Variants in SLC35F2 observed in about 807,000 individuals in gnomAD.
The protein encoded by SLC35F2 is solute carrier family 35 member F2, also known as queuine/queuosine transporter SLC35F2.
SLC35F2 carries 25 observed loss-of-function variants against 38.1 expected under a neutral mutation model. The observed-to-expected ratio is 0.66, with a 90% confidence interval of 0.48 to 0.92. SLC35F2 has a LOEUF of 0.92. Among genes scored for constraint, SLC35F2 ranks in the 40% least tolerant of loss-of-function variants. SLC35F2 has a pLI of 0.00. For synonymous variants in SLC35F2, 173 were observed against 181.7 expected (o/e 0.95, Z 0.38); for missense variants, 409 against 452.9 (o/e 0.90, Z 0.88).
At chr11:107,810,980 A>T in intron 3 of SLC35F2, 1 of 983,692 alleles carries the variant, frequency 1.0e-6, no homozygotes, top group South Asian at 4.7e-5. Flanking sequence ...AAAAAAAGTT[A>T]TAAACAAACT....
At chr11:107,801,419 ATTT>A (rs202046472) in intron 7 of SLC35F2, among the ~76,000 whole-genome samples, 6 of 152,054 alleles carry the variant, frequency 3.9e-5, no homozygotes, top group Admixed American at 2.0e-4. Context: ...TCTTCTCACT[ATTT>A]TTTTATTTTG....
chr11:107,825,099 C>T (rs977453723), intron 1 of SLC35F2, among the ~76,000 whole-genome samples: 7 of 152,202 alleles, frequency 4.6e-5, no homozygotes, highest in Non-Finnish European at 7.3e-5. Context: ...GTTACCACAA[C>T]GATGGAAATG....
chr11:107,792,950 T>C (rs1859156922), intron 7 of SLC35F2, 150 bp from the exon 8 acceptor site: 4 of 1,328,128 alleles, frequency 3.0e-6, no homozygotes, highest in Admixed American at 7.7e-5. Flanking sequence ...AGGGTCTCGC[T>C]CTGTGGCCCA....
intron 7 of SLC35F2, among the ~76,000 whole-genome samples, chr11:107,798,304 C>T (rs186916806): frequency 6.6e-6 from 1 of 152,266 alleles, no homozygotes; most frequent in African/African-American, 2.4e-5. Context: ...TGCGCCCAGC[C>T]TTAAGTTGGT....
chr11:107,820,163 G>A (rs545646612), intron 1 of SLC35F2, among the ~76,000 whole-genome samples: 1 of 151,516 alleles, frequency 6.6e-6, no homozygotes, highest in South Asian at 2.1e-4. Flanking sequence ...GCTGAGGGAG[G>A]AAAATCGCTT....
intron 1 of SLC35F2, among the ~76,000 whole-genome samples, chr11:107,839,912 T>TA (rs1859989646): frequency 6.6e-6 from 1 of 152,106 alleles, no homozygotes; most frequent in South Asian, 2.1e-4. Flanking sequence ...CTTGGCCTCC[T>TA]AAAGTGCTGG....
At chr11:107,818,098 A>G (rs887421357) in intron 1 of SLC35F2, among the ~76,000 whole-genome samples, 4 of 136,890 alleles carry the variant, frequency 2.9e-5, no homozygotes, top group Middle Eastern at 3.7e-3. Context: ...GAAAGAAAGA[A>G]AGAAAGAAAG....
intron 1 of SLC35F2, among the ~76,000 whole-genome samples, chr11:107,838,627 C>CT (rs71047631): frequency 0.013 from 1,362 of 108,602 alleles, 17 homozygotes; most frequent in Non-Finnish European, 0.019. Flanking sequence ...GCCCGGCCCT[C>CT]TTTTTTTTTT....
intron 1 of SLC35F2, among the ~76,000 whole-genome samples, chr11:107,831,366 A>T (rs942962525): frequency 6.6e-6 from 1 of 152,216 alleles, no homozygotes; most frequent in Non-Finnish European, 1.5e-5. Context: ...GACTACAGGC[A>T]CATGCCACTA....
At chr11:107,824,049 T>C in intron 1 of SLC35F2, 4 of 974,176 alleles carry the variant, frequency 4.1e-6, no homozygotes, top group Non-Finnish European at 3.7e-6. Context: ...ATTCAAAAGT[T>C]TAGCCATCAA....
At chr11:107,800,756 T>C (rs149048575) in intron 7 of SLC35F2, among the ~76,000 whole-genome samples, 53 of 152,252 alleles carry the variant, frequency 3.5e-4, no homozygotes, top group Admixed American at 2.4e-3. Context: ...TCATTATTTT[T>C]GTATTTTTTT....
intron 7 of SLC35F2, among the ~76,000 whole-genome samples, chr11:107,798,004 T>C (rs1859248593): frequency 6.6e-6 from 1 of 152,076 alleles, no homozygotes; most frequent in Non-Finnish European, 1.5e-5. Context: ...TTTTGTTATT[T>C]TTATTTATTT....
At chr11:107,843,261 C>G (rs142053318) in intron 1 of SLC35F2, among the ~76,000 whole-genome samples, 239 of 152,150 alleles carry the variant, frequency 1.6e-3, no homozygotes, top group African/African-American at 5.2e-3. Context: ...CGGGAACTTA[C>G]TATATTAAAA....
Position 107,803,126 on chromosome 11 carries a change from T to C in SLC35F2, c.814A>G (p.Met272Val). 3 of 1,611,766 alleles carry C rather than the reference T, an allele frequency of 1.9e-6. No individual in the cohort carries two copies. Among genetic ancestry groups the C allele is most frequent in the Non-Finnish European group, 2.5e-6 (3 of 1,179,510 alleles). Residue 272 changes from methionine to valine, a missense_variant, in exon 7 of 8, where the codon ATG becomes GTG. Coordinates refer to ENST00000525815, the MANE Select transcript of SLC35F2 (RefSeq NM_017515.5). ...ALLFVAFALCMFCLYSFMPLV... is the reference protein window; with the variant it reads ...ALLFVAFALCVFCLYSFMPLV... ...GGCATGAAGCTGTACAGGCAAAACA[T>C]ACACAGGGCAAATGCCACGAACAGC...
intron 1 of SLC35F2, among the ~76,000 whole-genome samples, chr11:107,817,073 C>T (rs556988704): frequency 2.5e-4 from 38 of 152,146 alleles, no homozygotes; most frequent in African/African-American, 8.2e-4. Context: ...AGGTTGAGTT[C>T]GAGACCAGCC....
intron 4 of SLC35F2, 192 bp downstream of exon 4, chr11:107,806,525 T>C (rs1304240827): frequency 1.7e-6 from 1 of 573,474 alleles, no homozygotes; most frequent in African/African-American, 1.9e-5. Flanking sequence ...ACTTGAAGAT[T>C]GGATGAATTC....
chr11:107,854,820 C>A (rs1482550414), intron 1 of SLC35F2, among the ~76,000 whole-genome samples: 1 of 152,116 alleles, frequency 6.6e-6, no homozygotes. Flanking sequence ...CCTCTTCTTG[C>A]CCCTTTTTGG....
At position 107,858,733 on chromosome 11, in the gene SLC35F2, G is replaced by A. The variant is rs1276162843; in HGVS notation, c.35C>T (p.Pro12Leu). The change falls in exon 1 of 8, where the codon CCA becomes CTA. Residue 12 changes from proline to leucine, a missense_variant. Transcript: ENST00000525815. The part of the protein sequence containing the change: ...EADSPAGPGA[P>L]EPLAEGAAAE... ...CGCCGCTCCCTCCGCGAGGGGCTCT[G>A]GGGCGCCGGGGCCCGCTGGCGAGTC... The A allele has an allele frequency of 3.1e-6, 4 of 1,285,036 alleles. No homozygotes were observed. Among genetic ancestry groups the A allele is most frequent in the Non-Finnish European group, 4.0e-6 (4 of 1,008,220 alleles). The allele number at this position is 1,285,036 out of a possible 1,614,324, so 79.6% of individuals were successfully genotyped here. A position where few individuals can be genotyped will look rare whatever the true frequency, so the allele number is the denominator to read the frequency against.
intron 1 of SLC35F2, among the ~76,000 whole-genome samples, chr11:107,851,444 C>G (rs1339717374): frequency 3.0e-5 from 4 of 135,130 alleles, no homozygotes; most frequent in Admixed American, 7.9e-5. Context: ...GCCTGGGTGA[C>G]AAGAGAGAAA....
Sources: gnomAD v4.1 joint callset for allele counts (sites outside exome capture counted in the v4.1 genomes callset) on GRCh38, gnomAD v4.1.1 for gene constraint, MANE v1.5 for transcripts, NCBI Gene and HGNC (gene_info 2026-07-23, HGNC 2026-07-21) for gene names.